ASZ1: variants seen among roughly 807,000 people sequenced by gnomAD.
ASZ1 encodes ankyrin repeat, SAM and basic leucine zipper domain-containing protein 1.
Under a neutral mutation model 61.8 loss-of-function variants are expected in ASZ1, and 67 were observed. The observed-to-expected ratio is 1.08, with a 90% CI of 0.89 to 1.33. The LOEUF is 1.33. ASZ1 is among the 40% of genes most tolerant of loss of function. The probability of loss-of-function intolerance (pLI) is 0.00; values close to 1 mark genes in which losing one functional copy is unlikely to be tolerated. For missense variants in ASZ1, 577 were observed against 554.5 expected, an observed-to-expected ratio of 1.04 and a Z score of -0.41; for synonymous variants, 193 against 192.7, an observed-to-expected ratio of 1.00 and a Z score of -0.01.
At chr7:117,413,288 T>C (rs1796930455) in intron 4 of ASZ1, among the ~76,000 whole-genome samples, 1 of 151,964 alleles carries the variant, frequency 6.6e-6, no homozygotes, top group African/African-American at 2.4e-5. Flanking sequence ...TCTGTTACAT[T>C]GAAAGGCACT....
chr7:117,367,865 T>C, intron 11 of ASZ1: 4 of 986,216 alleles, frequency 4.1e-6, no homozygotes, highest in Non-Finnish European at 4.8e-6. Context: ...TAAGCTGCTT[T>C]TGCAGGCCAC....
intron 10 of ASZ1, among the ~76,000 whole-genome samples, chr7:117,372,675 G>A (rs1436073119): frequency 1.3e-5 from 2 of 152,000 alleles, no homozygotes; most frequent in African/African-American, 2.4e-5. Flanking sequence ...GGTATTATGC[G>A]CTCACTGTAG....
chr7:117,420,380 C>A, intron 3 of ASZ1, 106 bp from the exon 4 acceptor site: 1 of 674,394 alleles, frequency 1.5e-6, no homozygotes, highest in South Asian at 2.6e-5. Flanking sequence ...AACTCTATAA[C>A]CTCTTCCCAA....
intron 4 of ASZ1, among the ~76,000 whole-genome samples, chr7:117,409,999 T>C (rs1473669120): frequency 6.6e-6 from 1 of 151,790 alleles, no homozygotes; most frequent in African/African-American, 2.4e-5. Flanking sequence ...AATACTTCTA[T>C]AATTTTGTGT....
intron 2 of ASZ1, among the ~76,000 whole-genome samples, chr7:117,425,768 T>C (rs1797192448): frequency 6.6e-6 from 1 of 151,800 alleles, no homozygotes; most frequent in African/African-American, 2.4e-5. Flanking sequence ...GGTGGGTGAT[T>C]ACTTGAGGTC....
chr7:117,383,645 A>G (rs917630710), intron 6 of ASZ1, among the ~76,000 whole-genome samples: 1 of 151,966 alleles, frequency 6.6e-6, no homozygotes, highest in African/African-American at 2.4e-5. Context: ...TTAAAATCTA[A>G]CCTCTCAGGA....
At chr7:117,368,479 G>T (rs1311306675) in intron 11 of ASZ1, 133 bp downstream of exon 11, 4 of 1,428,782 alleles carry the variant, frequency 2.8e-6, no homozygotes, top group Non-Finnish European at 3.7e-6. Context: ...GACTTATTTA[G>T]ATCTTATGTG....
In ASZ1 at chr7:117,427,447, G is replaced by A; in HGVS notation, c.14C>T (p.Ala5Val). ...GCCAGCCACTGGCAGGCCTCGCAGC[G>A]CGCTCGCCGCCATGCCAGCCAAGGA... MAASALRGLPVAGGG... is the reference protein window; with the variant it reads MAASVLRGLPVAGGG... Residue 5 changes from alanine to valine, a missense_variant, in exon 1 of 13, where the codon GCG (alanine) becomes GTG (valine). Ala to Val is a moderately conservative substitution (Grantham distance 64). Coordinates refer to ENST00000284629, the MANE Select transcript of ASZ1 (RefSeq NM_130768.3). The A allele has an allele frequency of 6.2e-7, 1 of 1,613,776 alleles. No individual in the cohort carries two copies. The highest frequency in any genetic ancestry group is 1.1e-5 in the South Asian group (1 of 91,072).
rs149067032 is a variant in ASZ1 at position 117,368,269 on chromosome 7, T to C, written c.1161+343A>G. On this transcript the variant is annotated intron_variant, in intron 11 of 12. Transcript: ENST00000284629. ...TCTAAATTTATTTAAAAATATTTTATTGATATGGTTTTTAAATAACACACT... is the reference window on the plus strand; with the variant it reads ...TCTAAATTTATTTAAAAATATTTTACTGATATGGTTTTTAAATAACACACT... 6 of 979,010 alleles carry C rather than the reference T, an allele frequency of 6.1e-6. No homozygotes were observed. The Admixed American group carries it at 2.4e-4, about 39-fold the overall frequency. The allele number at this position is 979,010 out of a possible 1,614,324, so 60.6% of individuals were successfully genotyped here.
At chr7:117,394,671 G>A (rs1337697396) in intron 4 of ASZ1, among the ~76,000 whole-genome samples, 1 of 152,028 alleles carries the variant, frequency 6.6e-6, no homozygotes, top group Non-Finnish European at 1.5e-5. Context: ...ACAGATGTTA[G>A]GACTTCTGGA....
chr7:117,408,585 C>T (rs943346223), intron 4 of ASZ1, among the ~76,000 whole-genome samples: 2 of 152,018 alleles, frequency 1.3e-5, no homozygotes, highest in Non-Finnish European at 2.9e-5. Context: ...GTTCCTTCAC[C>T]ATAGTGGAAT....
intron 4 of ASZ1, among the ~76,000 whole-genome samples, chr7:117,406,756 A>C (rs925257784): frequency 8.1e-5 from 8 of 99,036 alleles, no homozygotes; most frequent in African/African-American, 2.8e-4. Flanking sequence ...CTCCATCTCA[A>C]AAAAAAAAAA....
chr7:117,382,198 G>A (rs1796267888), intron 7 of ASZ1, 54 bp from the exon 8 acceptor site: 8 of 1,042,872 alleles, frequency 7.7e-6, no homozygotes, highest in South Asian at 6.7e-5. Flanking sequence ...ATGCACAAGC[G>A]ATAAATATAC....
Position 117,367,419 on chromosome 7 carries a change from T to C in ASZ1, c.1208A>G (p.Glu403Gly). 1 of 1,566,502 alleles carries C rather than the reference T, an allele frequency of 6.4e-7. No individual in the cohort carries two copies. Among genetic ancestry groups the C allele is most frequent in the Non-Finnish European group, 8.6e-7 (1 of 1,158,280 alleles). The part of the protein sequence containing the change: ...ASPQNFTSVC[E>G]ELVNNVEDLS... ...ATCTTCAACATTATTAACCAATTCTTCACAAACTGAAGTAAAATTCTGGGG... is the reference window on the plus strand; with the variant it reads ...ATCTTCAACATTATTAACCAATTCTCCACAAACTGAAGTAAAATTCTGGGG... Residue 403 changes from glutamate to glycine, a missense_variant, in exon 12 of 13, where the codon GAA becomes GGA. Glu to Gly is a moderately conservative substitution (Grantham distance 98). Transcript: ENST00000284629.
At chr7:117,418,094 T>C (rs1215733650) in intron 4 of ASZ1, among the ~76,000 whole-genome samples, 1 of 152,212 alleles carries the variant, frequency 6.6e-6, no homozygotes, top group Non-Finnish European at 1.5e-5. Context: ...GACTTCTGTG[T>C]GTTTACAACA....
chr7:117,387,419 A>T (rs1256755850), intron 4 of ASZ1, among the ~76,000 whole-genome samples: 1 of 152,146 alleles, frequency 6.6e-6, no homozygotes, highest in African/African-American at 2.4e-5. Context: ...TCGAATTCAA[A>T]TTCTTCATTA....
At chr7:117,388,542 GA>G (rs1019652773) in intron 4 of ASZ1, among the ~76,000 whole-genome samples, 2 of 150,960 alleles carry the variant, frequency 1.3e-5, no homozygotes, top group East Asian at 1.9e-4. Context: ...AACTAAAAAT[GA>G]AAAAAAACCC....
intron 4 of ASZ1, among the ~76,000 whole-genome samples, chr7:117,409,303 A>G (rs1034410692): frequency 6.6e-6 from 1 of 152,018 alleles, no homozygotes; most frequent in Non-Finnish European, 1.5e-5. Flanking sequence ...CTCTAATAAG[A>G]ACAGGTAAAA....
intron 4 of ASZ1, among the ~76,000 whole-genome samples, chr7:117,393,491 T>A (rs1796512749): frequency 6.6e-6 from 1 of 152,158 alleles, no homozygotes; most frequent in African/African-American, 2.4e-5. Context: ...TTAAGTAATG[T>A]TTGCCTGGCA....
Sources: gnomAD v4.1 joint callset for allele counts (sites outside exome capture counted in the v4.1 genomes callset) on GRCh38, gnomAD v4.1.1 for gene constraint, MANE v1.5 for transcripts, NCBI Gene and HGNC (gene_info 2026-07-23, HGNC 2026-07-21) for gene names.